ZNF454: variants seen among roughly 807,000 people sequenced by gnomAD.
The protein encoded by ZNF454 is zinc finger protein 454.
A neutral mutation model predicts 48.2 loss-of-function variants in ZNF454; 30 were observed. That is an observed-to-expected ratio of 0.62 (90% CI 0.47 to 0.84). ZNF454 has a LOEUF of 0.84. Ranked by LOEUF, ZNF454 falls within the 40% of genes least tolerant of loss-of-function variation. The pLI, the probability that ZNF454 is intolerant of heterozygous loss-of-function variation, is 0.00. For synonymous variants in ZNF454, 204 were observed against 211.4 expected (o/e 0.97, Z 0.30); for missense variants, 510 against 623.1 (o/e 0.82, Z 1.93).
the ZNF454 span, chr5:178,986,995 G>C: frequency 4.3e-6 from 7 of 1,612,514 alleles, no homozygotes; most frequent in East Asian, 1.6e-4. Context: ...TGGAGAGAGA[G>C]TCCGTCATCC....
chr5:178,982,576 C>CAA, the ZNF454 span, among the ~76,000 whole-genome samples: 19 of 20,184 alleles, frequency 9.4e-4, 3 homozygotes, highest in Admixed American at 3.1e-3. Flanking sequence ...GACTCTGTCT[C>CAA]AAAAAAAAAA....
intron 4 of ZNF454, among the ~76,000 whole-genome samples, chr5:178,948,914 T>G (rs1043986204): frequency 4.6e-5 from 7 of 150,796 alleles, no homozygotes; most frequent in African/African-American, 1.7e-4. Flanking sequence ...AGATTTTTTT[T>G]TTTTTGAAGA....
chr5:178,950,148 C>T (rs1414598684), intron 4 of ZNF454, among the ~76,000 whole-genome samples: 1 of 152,192 alleles, frequency 6.6e-6, no homozygotes, highest in Non-Finnish European at 1.5e-5. Context: ...TCTGGGATTA[C>T]AGGTGTGAGC....
the ZNF454 span, chr5:178,985,858 C>A: frequency 1.8e-6 from 1 of 546,202 alleles, no homozygotes; most frequent in South Asian, 1.9e-5. Flanking sequence ...AACTCTTGGG[C>A]TCAAGCGATC....
downstream of ZNF454, chr5:178,969,576 C>T (rs878862429): frequency 2.8e-5 from 13 of 456,814 alleles, no homozygotes; most frequent in South Asian, 2.0e-4. Context: ...GCAGCTCTGT[C>T]TTCACACGTC....
the ZNF454 span, chr5:178,983,205 G>GCT: frequency 1.9e-6 from 3 of 1,612,180 alleles, no homozygotes; most frequent in Non-Finnish European, 2.5e-6. Context: ...CCCCAGCCAT[G>GCT]CTATCATCCC....
At chr5:178,989,489 T>C in the ZNF454 span, 3 of 1,571,652 alleles carry the variant, frequency 1.9e-6, no homozygotes, top group Admixed American at 1.7e-5. Context: ...TTGCTCACTT[T>C]CAGCTAGGAG....
the ZNF454 span, chr5:178,981,687 G>A: frequency 6.2e-6 from 10 of 1,613,998 alleles, no homozygotes; most frequent in East Asian, 2.2e-5. The surrounding 1 kb of genome is among the most constrained non-coding windows in gnomAD (Gnocchi z 5.1). Context: ...CCTCGCCCTT[G>A]GGTGGGGCTG....
At position 178,964,739 on chromosome 5, in the gene ZNF454, A is replaced by G; in HGVS notation, c.335A>G (p.Glu112Gly). 1 of 1,614,220 alleles carries G rather than the reference A, an allele frequency of 6.2e-7. No individual in the cohort carries two copies. The highest frequency in any genetic ancestry group is 8.5e-7 in the Non-Finnish European group (1 of 1,180,034). The change falls in exon 5 of 5, where the codon GAA becomes GGA. Residue 112 changes from glutamate to glycine, a missense_variant. By Grantham distance (98) the Glu-to-Gly change is moderately conservative. This residue lies in a region of ZNF454 where 354 missense variants were observed against 408.9 expected (regional missense o/e 0.87). Transcript: ENST00000519564. The stretch of plus-strand genomic sequence containing the variant: ...GAATTGGATCAATGGACAATAAAGG[A>G]AAGATTCAGTAGCAGTAGTCACTGG... ...EEELDQWTIK[E>G]RFSSSSHWKC...
chr5:178,962,169 G>A (rs969385380), intron 4 of ZNF454, among the ~76,000 whole-genome samples: 4 of 151,328 alleles, frequency 2.6e-5, no homozygotes, highest in Non-Finnish European at 4.4e-5. Context: ...TTGACAGTTC[G>A]GTTCTTTCAC....
At chr5:178,942,916 C>T in intron 2 of ZNF454, 92 bp downstream of exon 2, 1 of 1,430,322 alleles carries the variant, frequency 7.0e-7, no homozygotes, top group Middle Eastern at 2.1e-4. Flanking sequence ...ATTCCCAATC[C>T]AGTCCCACCC....
chr5:178,964,756 A>G lies in ZNF454; in HGVS notation c.352A>G (p.Ser118Gly). 2 of 1,614,242 alleles carry G rather than the reference A, an allele frequency of 1.2e-6. No individual in the cohort carries two copies. The highest frequency in any genetic ancestry group is 1.3e-5 in the African/African-American group (1 of 75,070). ...AATAAAGGAAAGATTCAGTAGCAGTAGTCACTGGAAGTGTGCTAGCCTGCT... is the reference window on the plus strand; with the variant it reads ...AATAAAGGAAAGATTCAGTAGCAGTGGTCACTGGAAGTGTGCTAGCCTGCT... ...WTIKERFSSS[S>G]HWKCASLLEW... Residue 118 changes from serine (S) to glycine (G), a missense_variant, in exon 5 of 5, where the codon AGT becomes GGT. Ser to Gly is a moderately conservative substitution (Grantham distance 56, BLOSUM62 0). This residue lies in a region of ZNF454 where 354 missense variants were observed against 408.9 expected (regional missense o/e 0.87). Transcript: ENST00000519564.
the ZNF454 span, chr5:178,986,452 G>A: frequency 1.9e-6 from 3 of 1,613,042 alleles, no homozygotes; most frequent in Non-Finnish European, 8.5e-7. Flanking sequence ...CACCACCGTG[G>A]TAGTGGCCAC....
chr5:178,988,304 T>C, the ZNF454 span, among the ~76,000 whole-genome samples: 3 of 152,148 alleles, frequency 2.0e-5, no homozygotes, highest in Admixed American at 1.3e-4. This position sits in a 1 kb window ranked among gnomAD's most constrained non-coding sequence, Gnocchi z 6.0. Context: ...TCATATTAAA[T>C]GGAATTGATT....
At chr5:178,979,605 G>C in the ZNF454 span, 2 of 152,206 alleles carry the variant, frequency 1.3e-5, no homozygotes, top group Non-Finnish European at 2.9e-5. Flanking sequence ...CTTCACACTG[G>C]GGAGAAATCC....
chr5:178,983,141 G>C, the ZNF454 span: 2 of 1,613,730 alleles, frequency 1.2e-6, no homozygotes, highest in Non-Finnish European at 1.7e-6. Context: ...TGGCCTGCTC[G>C]GGGTCCACCG....
chr5:178,986,146 C>T, the ZNF454 span: 1 of 1,613,632 alleles, frequency 6.2e-7, no homozygotes, highest in Non-Finnish European at 8.5e-7. Flanking sequence ...GGAGGTGAGG[C>T]TGAAGGTGAT....
At chr5:178,989,412 A>G in the ZNF454 span, 2 of 1,614,046 alleles carry the variant, frequency 1.2e-6, no homozygotes, top group Non-Finnish European at 1.7e-6. Flanking sequence ...AATCCTACAG[A>G]CAGGGAAGAA....
At chr5:178,985,882 C>T in the ZNF454 span, 1 of 563,304 alleles carries the variant, frequency 1.8e-6, no homozygotes. Context: ...CTATTTCAGC[C>T]TCCCAAGTAG....
Sources: allele counts gnomAD v4.1 joint callset (sites outside exome capture counted in the v4.1 genomes callset), GRCh38; gene constraint gnomAD v4.1.1; regional missense constraint gnomAD v4.1.1; non-coding constraint Gnocchi (gnomAD v3.1); transcripts MANE v1.5; gene names NCBI Gene and HGNC (gene_info 2026-07-23, HGNC 2026-07-21).